The following BPI variants were observed in gnomAD, a reference collection of about 807,000 sequenced individuals.
BPI encodes bactericidal permeability increasing protein.
Under a neutral mutation model 57.6 loss-of-function variants are expected in BPI, and 48 were observed. That is an observed-to-expected ratio of 0.83 (90% CI 0.66 to 1.06). The LOEUF is 1.06. BPI is among the 50% of genes least tolerant of loss of function. The probability of loss-of-function intolerance (pLI) is 0.00; values close to 1 mark genes in which losing one functional copy is unlikely to be tolerated. For missense variants in BPI, 651 were observed against 609.7 expected, an observed-to-expected ratio of 1.07 and a Z score of -0.71; for synonymous variants, 237 against 238.2, an observed-to-expected ratio of 0.99 and a Z score of 0.05.
intron 5 of BPI, among the ~76,000 whole-genome samples, chr20:38,317,080 C>T (rs575568956): frequency 1.3e-5 from 2 of 152,234 alleles, no homozygotes; most frequent in East Asian, 1.9e-4. Context: ...ACACCAGGAG[C>T]TACCCAGTAG....
chr20:38,314,850 A>AGAT (rs112026634), intron 5 of BPI, among the ~76,000 whole-genome samples: 4 of 137,020 alleles, frequency 2.9e-5, no homozygotes, highest in African/African-American at 8.4e-5. Context: ...GTAATGGTGG[A>AGAT]GATGATGATG....
intron 4 of BPI, among the ~76,000 whole-genome samples, chr20:38,311,011 G>A (rs953939315): frequency 2.0e-5 from 3 of 152,184 alleles, no homozygotes; most frequent in Non-Finnish European, 2.9e-5. Context: ...CACCAGGCTC[G>A]TGCAACATGG....
intron 9 of BPI, 40 bp downstream of exon 9, chr20:38,324,873 T>A: frequency 6.6e-7 from 1 of 1,526,168 alleles, no homozygotes; most frequent in East Asian, 2.3e-5. Context: ...GCCCCGGGGG[T>A]TCTGGGAGGA....
intron 11 of BPI, 33 bp downstream of exon 11, chr20:38,327,688 C>T: frequency 3.7e-6 from 6 of 1,606,874 alleles, no homozygotes; most frequent in Non-Finnish European, 5.1e-6. Flanking sequence ...GAGGGGGCTG[C>T]CCCTCTGTCC....
intron 5 of BPI, among the ~76,000 whole-genome samples, chr20:38,315,843 T>C (rs1302846050): frequency 2.0e-5 from 3 of 150,558 alleles, no homozygotes; most frequent in Admixed American, 2.0e-4. Flanking sequence ...TTCTTTTTTT[T>C]TTTTTTGGTG....
Position 38,335,647 on chromosome 20 carries a change from C to A in BPI, c.1386C>A (p.Leu462=). 1 of 1,614,206 alleles carries A rather than the reference C, an allele frequency of 6.2e-7. No homozygotes were observed. The highest frequency in any genetic ancestry group is 1.1e-5 in the South Asian group (1 of 91,082). The change falls in exon 14 of 15, where the codon CTC becomes CTA. Residue 462 remains leucine (L), a synonymous_variant. Coordinates refer to ENST00000642449, the MANE Select transcript of BPI (RefSeq NM_001725.3). Reference sequence around the variant, plus strand: ...TCCCGACGCCGGCCAGAGTCCAGCTCTACAACGTAGTGCTTCAGCCTCACC... The same window carrying A: ...TCCCGACGCCGGCCAGAGTCCAGCTATACAACGTAGTGCTTCAGCCTCACC... The part of the protein sequence containing the change: ...FPLPTPARVQ[L]YNVVLQPHQN...
At chr20:38,317,902 T>C in intron 5 of BPI, 12 of 984,468 alleles carry the variant, frequency 1.2e-5, no homozygotes, top group Non-Finnish European at 1.3e-5. Flanking sequence ...TGGGGTGGAG[T>C]GGCAAAGGCA....
chr20:38,323,806 A>G (rs2076698235), intron 7 of BPI, 64 bp from the exon 8 acceptor site: 23 of 1,541,426 alleles, frequency 1.5e-5, no homozygotes, highest in Non-Finnish European at 1.7e-5. Flanking sequence ...TTTTTCCTGG[A>G]TGGAGATGTT....
At chr20:38,310,364 C>T (rs1463048023) in intron 3 of BPI, 127 bp from the exon 4 acceptor site, 8 of 1,165,494 alleles carry the variant, frequency 6.9e-6, no homozygotes, top group South Asian at 3.1e-5. Flanking sequence ...GCTGCCTCTT[C>T]TCTCTGAACG....
intron 7 of BPI, 34 bp downstream of exon 7, chr20:38,320,308 A>G (rs2076674787): frequency 6.3e-7 from 1 of 1,589,712 alleles, no homozygotes. Context: ...ACACCCTCAC[A>G]CCTCTGTCTC....
chr20:38,309,191 A>C, intron 3 of BPI, 133 bp downstream of exon 3: 2 of 1,293,796 alleles, frequency 1.5e-6, no homozygotes, highest in South Asian at 1.4e-5. Context: ...TTCCTCAGGA[A>C]ATTCTTCACA....
chr20:38,309,175 A>G, intron 3 of BPI, 117 bp downstream of exon 3: 1 of 1,420,966 alleles, frequency 7.0e-7, no homozygotes, highest in Non-Finnish European at 9.7e-7. Context: ...ACCTATAGCC[A>G]CAGCGTTCCT....
intron 3 of BPI, 47 bp downstream of exon 3, chr20:38,309,105 T>C (rs199987679): frequency 2.6e-5 from 42 of 1,612,586 alleles, no homozygotes; most frequent in Middle Eastern, 1.6e-4. Context: ...TTGGTGATAT[T>C]TGGACGGGAT....
chr20:38,325,828 G>A (rs2076709865), intron 9 of BPI, among the ~76,000 whole-genome samples: 1 of 152,088 alleles, frequency 6.6e-6, no homozygotes, highest in Non-Finnish European at 1.5e-5. Flanking sequence ...GTTTACCTGG[G>A]GGAAGATCAG....
chr20:38,316,862 T>A (rs550200703), intron 5 of BPI, among the ~76,000 whole-genome samples: 1 of 152,162 alleles, frequency 6.6e-6, no homozygotes, highest in South Asian at 2.1e-4. Flanking sequence ...ACAGGGGCCA[T>A]GGGGATGCCT....
At chr20:38,325,952 C>T (rs1233850733) in intron 9 of BPI, among the ~76,000 whole-genome samples, 1 of 151,730 alleles carries the variant, frequency 6.6e-6, no homozygotes, top group Admixed American at 6.6e-5. Context: ...GGGAAAGAGC[C>T]GAGAGAAGAA....
rs1447037508 is a variant in BPI at position 38,304,369 on chromosome 20, C to T, written c.130+16C>T. On this transcript the variant is annotated intron_variant, in intron 1 of 14. Coordinates refer to ENST00000642449, the MANE Select transcript of BPI (RefSeq NM_001725.3). ...CTGGACTACGGTAACTGGATGCCTC[C>T]CTTCCCTCCTCTCCACCCCTGAGGA... 1 of 1,610,938 alleles carries T rather than the reference C, an allele frequency of 6.2e-7. No individual in the cohort carries two copies. The highest frequency in any genetic ancestry group is 1.3e-5 in the African/African-American group (1 of 74,904).
At chr20:38,319,970 T>C (rs2076672710) in intron 6 of BPI, 1 of 574,342 alleles carries the variant, frequency 1.7e-6, no homozygotes, top group Non-Finnish European at 3.1e-6. Flanking sequence ...TCAGGGCTGT[T>C]GGAAGAAGAG....
intron 7 of BPI, among the ~76,000 whole-genome samples, chr20:38,322,712 G>A (rs2076692668): frequency 6.6e-6 from 1 of 152,186 alleles, no homozygotes; most frequent in Non-Finnish European, 1.5e-5. Flanking sequence ...CCAGGTTCAG[G>A]CGATTCTCCT....
Sources: gnomAD v4.1 joint callset for allele counts (sites outside exome capture counted in the v4.1 genomes callset) on GRCh38, gnomAD v4.1.1 for gene constraint, MANE v1.5 for transcripts, NCBI Gene and HGNC (gene_info 2026-07-23, HGNC 2026-07-21) for gene names.